GLP2R: variants seen among roughly 807,000 people sequenced by gnomAD.
GLP2R encodes glucagon-like peptide 2 receptor.
Under a neutral mutation model 68.2 loss-of-function variants are expected in GLP2R, and 59 were observed. That is an observed-to-expected ratio of 0.87 (90% CI 0.70 to 1.07). The LOEUF is 1.07. GLP2R is among the 50% of genes least tolerant of loss of function. The pLI is 0.00. For missense variants in GLP2R, 548 were observed against 677.4 expected (o/e 0.81, Z 2.12); for synonymous variants, 270 against 265.4 (o/e 1.02, Z -0.17).
rs117347926 is a variant in GLP2R at position 9,838,578 on chromosome 17, G to A, written c.382+2103G>A. On this transcript the variant is annotated intron_variant, in intron 3 of 12. Coordinates refer to ENST00000262441, the MANE Select transcript of GLP2R (RefSeq NM_004246.3). ...AACACAGATCCATTCCACTGTAAGA[G>A]AAAATGAAGTGTTCAAAAAGCCACA... 1.3e-4 allele frequency among the ~76,000 whole-genome samples: 20 copies of A among 152,102 alleles called. No homozygotes were observed. In the East Asian group the frequency reaches 3.9e-3, roughly 29 times the overall value.
At chr17:9,865,927 A>T in intron 9 of GLP2R, 1 of 471,162 alleles carries the variant, frequency 2.1e-6, no homozygotes, top group Non-Finnish European at 4.4e-6. Flanking sequence ...TAAAACACTG[A>T]CATATACCCC....
intron 9 of GLP2R, chr17:9,867,033 T>A (rs1464528780): frequency 1.3e-5 from 2 of 152,226 alleles, no homozygotes; most frequent in Non-Finnish European, 2.9e-5. Flanking sequence ...TATGTTCTAC[T>A]TAAACTGAAG....
intron 3 of GLP2R, among the ~76,000 whole-genome samples, chr17:9,841,043 G>T (rs540165539): frequency 7.0e-6 from 1 of 142,762 alleles, no homozygotes; most frequent in Admixed American, 7.2e-5. Flanking sequence ...TTGAGACAGA[G>T]TCTCCCTCTG....
At chr17:9,862,165 C>A in intron 9 of GLP2R, 75 bp downstream of exon 9, 1 of 1,054,462 alleles carries the variant, frequency 9.5e-7, no homozygotes, top group South Asian at 1.3e-5. Flanking sequence ...CACCCGACTT[C>A]TGTCCCCCAG....
intron 4 of GLP2R, among the ~76,000 whole-genome samples, chr17:9,851,102 T>A (rs1372707648): frequency 6.6e-6 from 1 of 152,158 alleles, no homozygotes; most frequent in Non-Finnish European, 1.5e-5. Context: ...AAAAGACATG[T>A]CCCCTAATTT....
chr17:9,879,818 T>C (rs1024925841), intron 10 of GLP2R, among the ~76,000 whole-genome samples: 7 of 152,178 alleles, frequency 4.6e-5, no homozygotes, highest in African/African-American at 1.7e-4. Context: ...ACATGAGGGC[T>C]GACAGCGAAG....
At chr17:9,850,692 CTTTT>C (rs11288196) in intron 4 of GLP2R, among the ~76,000 whole-genome samples, 3 of 125,986 alleles carry the variant, frequency 2.4e-5, no homozygotes, top group Non-Finnish European at 1.6e-5. Flanking sequence ...GATTTTTTCA[CTTTT>C]TTTTTTTTTT....
intron 10 of GLP2R, among the ~76,000 whole-genome samples, chr17:9,878,993 T>C (rs897153837): frequency 7.9e-5 from 12 of 152,260 alleles, no homozygotes; most frequent in African/African-American, 2.6e-4. Flanking sequence ...ACAGTAGCTT[T>C]GTTCGTACCC....
At chr17:9,881,626 C>A (rs3915730) in intron 11 of GLP2R, among the ~76,000 whole-genome samples, 1 of 135,476 alleles carries the variant, frequency 7.4e-6, no homozygotes, top group Non-Finnish European at 1.5e-5. Context: ...GTGATCCGCC[C>A]GCCTCGGCCT....
intron 6 of GLP2R, 147 bp downstream of exon 6, chr17:9,857,723 T>C: frequency 1.3e-6 from 1 of 753,588 alleles, no homozygotes. Flanking sequence ...AGTACGTGAC[T>C]TAACAAAACC....
intron 9 of GLP2R, among the ~76,000 whole-genome samples, chr17:9,868,956 G>A (rs1472254228): frequency 3.3e-5 from 5 of 152,300 alleles, no homozygotes; most frequent in Middle Eastern, 3.4e-3. Flanking sequence ...CCCATTAAAA[G>A]AAATACATTA....
Position 9,860,035 on chromosome 17 carries a change from ACGCTG to A in GLP2R, c.861_865del (p.Leu288GlyfsTer7). On this transcript the variant is annotated frameshift_variant, in exon 7 of 13. Coordinates refer to ENST00000262441, the MANE Select transcript of GLP2R (RefSeq NM_004246.3). LOFTEE classifies it high-confidence loss of function. The stretch of plus-strand genomic sequence containing the variant: ...GCTGGTTGAAGGCCTCTACCTCCAC[ACGCTG>A]CTGGAGCCCACAGTGCTTCCTGAGA... 6.2e-7 allele frequency: 1 copy of A among 1,613,648 alleles called. No individual in the cohort carries two copies. Among genetic ancestry groups the A allele is most frequent in the East Asian group, 2.2e-5 (1 of 44,846 alleles).
At chr17:9,844,935 C>T (rs1053727694) in intron 4 of GLP2R, among the ~76,000 whole-genome samples, 1 of 151,618 alleles carries the variant, frequency 6.6e-6, no homozygotes, top group African/African-American at 2.4e-5. Context: ...AGGTGATCCA[C>T]CCGCCTTGGC....
rs1261123739 is a variant in GLP2R at position 9,889,659 on chromosome 17, C to A, written c.1616C>A (p.Thr539Asn). Residue 539 changes from threonine to asparagine, a missense_variant, in exon 13 of 13, where the codon ACC (threonine) becomes AAC (asparagine). Physicochemically the swap from Thr to Asn is moderately conservative, Grantham distance 65. Transcript: ENST00000262441. ...TCCGAGTGCAGTGAGGGGGATGTCA[C>A]CATGGCCAACACCATGGAGGAGATT... ...SLSECSEGDVTMANTMEEILE... is the reference protein window; with the variant it reads ...SLSECSEGDVNMANTMEEILE... The A allele has an allele frequency of 6.2e-7, 1 of 1,605,684 alleles. No individual in the cohort carries two copies. The highest frequency in any genetic ancestry group is 2.2e-5 in the East Asian group (1 of 44,582).
chr17:9,867,523 T>C (rs2067050351), intron 9 of GLP2R, among the ~76,000 whole-genome samples: 1 of 152,214 alleles, frequency 6.6e-6, no homozygotes, highest in African/African-American at 2.4e-5. Context: ...AAGACTTCAC[T>C]ACTTCACCTG....
At chr17:9,886,489 G>A (rs1346943049) in intron 11 of GLP2R, among the ~76,000 whole-genome samples, 1 of 152,218 alleles carries the variant, frequency 6.6e-6, no homozygotes, top group Non-Finnish European at 1.5e-5. Flanking sequence ...CTAAAAGCCA[G>A]CTCTTCTGAT....
intron 2 of GLP2R, chr17:9,834,514 C>T (rs376892756): frequency 1.3e-5 from 2 of 153,932 alleles, no homozygotes; most frequent in African/African-American, 4.8e-5. Flanking sequence ...AACATTCTAG[C>T]GAATATGTAA....
chr17:9,866,428 C>T (rs889790732), intron 9 of GLP2R: 2 of 156,536 alleles, frequency 1.3e-5, no homozygotes, highest in Admixed American at 1.2e-4. Context: ...CACCCTACAA[C>T]ACACAGAACC....
chr17:9,880,061 C>G (rs1265383026), intron 10 of GLP2R, among the ~76,000 whole-genome samples: 1 of 152,184 alleles, frequency 6.6e-6, no homozygotes, highest in African/African-American at 2.4e-5. Flanking sequence ...CCCAGGGTGG[C>G]AGTCACTTGC....
Sources: allele counts gnomAD v4.1 joint callset (sites outside exome capture counted in the v4.1 genomes callset), GRCh38; gene constraint gnomAD v4.1.1; transcripts MANE v1.5; gene names NCBI Gene and HGNC (gene_info 2026-07-23, HGNC 2026-07-21).